The following CCNG2 variants were observed in gnomAD, a reference collection of about 807,000 sequenced individuals.
CCNG2 encodes cyclin G2.
In CCNG2, 20 loss-of-function variants were observed where a neutral mutation model predicts 36.5. The observed-to-expected ratio is 0.55, with a 90% CI of 0.39 to 0.80. The LOEUF (loss-of-function observed/expected upper bound fraction) is 0.80, where lower values mean the gene tolerates loss of function less well. Ranked by LOEUF, CCNG2 falls within the 30% of genes least tolerant of loss-of-function variation. The pLI, the probability that CCNG2 is intolerant of heterozygous loss-of-function variation, is 0.00. For missense variants in CCNG2, 358 were observed against 390.8 expected, an observed-to-expected ratio of 0.92 and a Z score of 0.71; for synonymous variants, 155 against 140.1, an observed-to-expected ratio of 1.11 and a Z score of -0.75.
rs754427903 is a variant in CCNG2, at chr4:77,161,657, A to G, written c.615A>G (p.Val205=). The G allele has an allele frequency of 6.9e-6, 11 of 1,602,790 alleles. No homozygotes were observed. The East Asian group carries it at 1.3e-4, about 20-fold the overall frequency. Residue 205 remains valine (V), a synonymous_variant, in exon 6 of 8, where the codon GTA becomes GTG. Transcript: ENST00000316355. ...RLIFSKAKPS[V]LALCLLNLEV... is the part of the protein sequence containing the mutation. ...TTTCTTTTTTCTTACAGCCATCTGT[A>G]TTAGCCTTGTGCCTTCTCAATTTGG... is the stretch of plus-strand genomic sequence containing the variant.
rs1292495171 is a variant in CCNG2, at chr4:77,159,596, TAAC to T, written c.276+93_276+95del. 2.6e-5 allele frequency: 31 copies of T among 1,188,822 alleles called. No individual in the cohort carries two copies. The African/African-American group carries it at 3.5e-4, about 13-fold the overall frequency. The allele number at this position is 1,188,822 out of a possible 1,614,324, so 73.6% of individuals were successfully genotyped here. On this transcript the variant is annotated intron_variant, in intron 3 of 7. Transcript: ENST00000316355. The stretch of plus-strand genomic sequence containing the variant: ...AGAAATATTTATCGAATGGGTATAA[TAAC>T]GTCCACTGTACATAAAAATTTATAA...
chr4:77,159,834 C>T (rs1368589303), intron 3 of CCNG2, among the ~76,000 whole-genome samples: 1 of 152,136 alleles, frequency 6.6e-6, no homozygotes, highest in African/African-American at 2.4e-5. Flanking sequence ...CTCTTGAAGC[C>T]AGATTTTTAA....
rs1256000499 is a variant in CCNG2 at position 77,157,470 on chromosome 4, C to T, written c.-37C>T. 1 of 152,296 alleles carries T rather than the reference C, an allele frequency of 6.6e-6. No homozygotes were observed. Among genetic ancestry groups the T allele is most frequent in the African/African-American group, 2.4e-5 (1 of 41,438 alleles). 9.4% of individuals were successfully genotyped at this position (152,296 alleles called of 1,614,324 possible). On this transcript the variant is annotated 5_prime_UTR_variant, in exon 1 of 8. Transcript: ENST00000316355. ...CGCTGCGCCCAGTCCGTGCGGACCG[C>T]GAGGCCGCGGGCGGGTGGAGGCGCG...
intron 1 of CCNG2, among the ~76,000 whole-genome samples, chr4:77,157,916 G>A (rs965291603): frequency 1.2e-4 from 18 of 152,024 alleles, no homozygotes; most frequent in African/African-American, 3.9e-4. Flanking sequence ...CCGGACCGTA[G>A]CCGGGTGTGC....
intron 3 of CCNG2, 50 bp downstream of exon 3, chr4:77,159,554 C>G: frequency 1.3e-6 from 2 of 1,562,296 alleles, no homozygotes; most frequent in African/African-American, 1.4e-5. Context: ...TGCCCAGTGC[C>G]TAGCACACAG....
In CCNG2 at chr4:77,165,843, C is replaced by T. The variant is rs909946356; in HGVS notation, c.954C>T (p.Leu318=). The T allele has an allele frequency of 1.2e-6, 2 of 1,611,242 alleles. No individual in the cohort carries two copies. The highest frequency in any genetic ancestry group is 1.7e-6 in the Non-Finnish European group (2 of 1,178,956). The change falls in exon 8 of 8, where the codon CTC becomes CTT. Residue 318 remains leucine (L), a synonymous_variant. Coordinates refer to ENST00000316355, the MANE Select transcript of CCNG2 (RefSeq NM_004354.3). ...ATATGAGTTGTGGAGAGGAGAGTCTCAGCAGCTCTCCTCCCAGTGATCAAG... is the reference window on the plus strand; with the variant it reads ...ATATGAGTTGTGGAGAGGAGAGTCTTAGCAGCTCTCCTCCCAGTGATCAAG... ...CEDMSCGEES[L]SSSPPSDQEC... is the part of the protein sequence containing the mutation.
intron 3 of CCNG2, among the ~76,000 whole-genome samples, 180 bp from the exon 4 acceptor site, chr4:77,160,541 G>C (rs1297567933): frequency 6.7e-6 from 1 of 149,024 alleles, no homozygotes; most frequent in Non-Finnish European, 1.5e-5. Context: ...TGGGGGGGGG[G>C]GGAGGTCGAG....
At chr4:77,163,783 C>A (rs1731550176) in intron 6 of CCNG2, among the ~76,000 whole-genome samples, 1 of 152,176 alleles carries the variant, frequency 6.6e-6, no homozygotes, top group South Asian at 2.1e-4. Flanking sequence ...TCACTAACTT[C>A]TTTAGTTTTG....
chr4:77,169,775 A>G lies in CCNG2; in HGVS notation c.*3851A>G, dbSNP rs562298412. 6.6e-6 allele frequency: 1 copy of G among 152,324 alleles called. No individual in the cohort carries two copies. Among genetic ancestry groups the G allele is most frequent in the South Asian group, 2.1e-4 (1 of 4,828 alleles). The allele number at this position is 152,324 out of a possible 1,614,324, so 9.4% of individuals were successfully genotyped here. A position where few individuals can be genotyped will look rare whatever the true frequency, so the allele number is the denominator to read the frequency against. On this transcript the variant is annotated 3_prime_UTR_variant, in exon 8 of 8. Transcript: ENST00000316355. ...TGAATGTGGGTGTATCCTCAGCTAC[A>G]CCACAGAAAACAGAGGAACTACTCA...
intron 7 of CCNG2, chr4:77,165,033 C>T: frequency 6.6e-6 from 1 of 152,348 alleles, no homozygotes; most frequent in East Asian, 1.9e-4. Flanking sequence ...ATCACCACCA[C>T]TGATGGGGAA....
At position 77,168,289 on chromosome 4, in the gene CCNG2, C is replaced by A. The variant is rs1004780342; in HGVS notation, c.*2365C>A. On this transcript the variant is annotated 3_prime_UTR_variant, in exon 8 of 8. Coordinates refer to ENST00000316355, the MANE Select transcript of CCNG2 (RefSeq NM_004354.3). ...CACTGTTTATATCTCTCTGTCCCCC[C>A]TTTTTCTGCCATTGGCATGGTTTAG... is the stretch of plus-strand genomic sequence containing the variant. 1 of 152,208 alleles carries A rather than the reference C, an allele frequency of 6.6e-6. No homozygotes were observed. The highest frequency in any genetic ancestry group is 1.5e-5 in the Non-Finnish European group (1 of 68,046). 9.4% of individuals were successfully genotyped at this position (152,208 alleles called of 1,614,324 possible).
Position 77,169,625 on chromosome 4 carries a change from T to C in CCNG2, c.*3701T>C, listed in dbSNP as rs1158601813. On this transcript the variant is annotated 3_prime_UTR_variant, in exon 8 of 8. Coordinates refer to ENST00000316355, the MANE Select transcript of CCNG2 (RefSeq NM_004354.3). ...AGACTGGCAGCTTTCCTTTTATCCT[T>C]TTTGGAAGCTAGCCACCATGCTGCA... 2 of 152,218 alleles carry C rather than the reference T, an allele frequency of 1.3e-5. No homozygotes were observed. The highest frequency in any genetic ancestry group is 4.8e-5 in the African/African-American group (2 of 41,458). 9.4% of individuals were successfully genotyped at this position (152,218 alleles called of 1,614,324 possible). A position where few individuals can be genotyped will look rare whatever the true frequency, so the allele number is the denominator to read the frequency against.
In CCNG2 at chr4:77,169,086, G is replaced by A. The variant is rs950802284; in HGVS notation, c.*3162G>A. 1.3e-5 allele frequency: 2 copies of A among 152,174 alleles called. No individual in the cohort carries two copies. Among genetic ancestry groups the A allele is most frequent in the Non-Finnish European group, 2.9e-5 (2 of 68,040 alleles). The allele number at this position is 152,174 out of a possible 1,614,324, so 9.4% of individuals were successfully genotyped here. On this transcript the variant is annotated 3_prime_UTR_variant, in exon 8 of 8. Transcript: ENST00000316355. ...TGTTTTAATTACCTGTCACACTCAGGATTAATACATACTCAGGTTAACTGT... is the reference window on the plus strand; with the variant it reads ...TGTTTTAATTACCTGTCACACTCAGAATTAATACATACTCAGGTTAACTGT...
chr4:77,166,974 G>A lies in CCNG2; in HGVS notation c.*1050G>A, dbSNP rs990093040. ...CAGAGAATTTTTAACTTTATAAATT[G>A]TATATGAACATGTAAATCTTTTAAA... On this transcript the variant is annotated 3_prime_UTR_variant, in exon 8 of 8. Transcript: ENST00000316355. 2.0e-5 allele frequency: 3 copies of A among 152,106 alleles called. No individual in the cohort carries two copies. Among genetic ancestry groups the A allele is most frequent in the African/African-American group, 2.4e-5 (1 of 41,428 alleles). The allele number at this position is 152,106 out of a possible 1,614,324, so 9.4% of individuals were successfully genotyped here. A position where few individuals can be genotyped will look rare whatever the true frequency, so the allele number is the denominator to read the frequency against.
intron 2 of CCNG2, among the ~76,000 whole-genome samples, chr4:77,159,139 C>G (rs1429525691): frequency 6.6e-6 from 1 of 152,188 alleles, no homozygotes; most frequent in Non-Finnish European, 1.5e-5. Flanking sequence ...ATTGCTGAAG[C>G]TCTTTTATGA....
chr4:77,158,459 C>T, intron 1 of CCNG2, 74 bp from the exon 2 acceptor site: 3 of 1,485,850 alleles, frequency 2.0e-6, no homozygotes, highest in East Asian at 2.3e-5. Flanking sequence ...GAGGTACTGG[C>T]CTCAGCCCTT....
chr4:77,165,432 C>T (rs1382485933), intron 7 of CCNG2, among the ~76,000 whole-genome samples: 1 of 145,740 alleles, frequency 6.9e-6, no homozygotes, highest in Non-Finnish European at 1.5e-5. Context: ...TTCTTTCTTT[C>T]TTTTTTTTTT....
At chr4:77,164,143 C>T (rs1460823142) in intron 6 of CCNG2, 131 bp from the exon 7 acceptor site, 1 of 628,594 alleles carries the variant, frequency 1.6e-6, no homozygotes, top group Non-Finnish European at 2.8e-6. Flanking sequence ...AATCAGAATA[C>T]CAGGGGTGGA....
chr4:77,163,598 A>G (rs1381254222), intron 6 of CCNG2, among the ~76,000 whole-genome samples: 1 of 152,210 alleles, frequency 6.6e-6, no homozygotes, highest in Non-Finnish European at 1.5e-5. Flanking sequence ...CTTTTTATTG[A>G]TAGTGATAGC....
Sources: gnomAD v4.1 joint callset for allele counts (sites outside exome capture counted in the v4.1 genomes callset) on GRCh38, gnomAD v4.1.1 for gene constraint, MANE v1.5 for transcripts, NCBI Gene and HGNC (gene_info 2026-07-23, HGNC 2026-07-21) for gene names.